DMD: variants seen among roughly 807,000 people sequenced by gnomAD.
DMD encodes the protein mutant dystrophin.
In DMD, 63 loss-of-function variants were observed where a neutral mutation model predicts 330.1. The ratio of observed to expected loss-of-function variants is 0.19; its 90% CI spans 0.16 to 0.24. DMD has a LOEUF of 0.24. Ranked by LOEUF, DMD falls within the 10% of genes least tolerant of loss-of-function variation. The pLI, the probability that DMD is intolerant of heterozygous loss-of-function variation, is 1.00. For synonymous variants in DMD, 1,223 were observed against 959.8 expected, an observed-to-expected ratio of 1.27 and a Z score of -5.07; for missense variants, 3,344 against 2,684.1, an observed-to-expected ratio of 1.25 and a Z score of -5.43.
Position 32,365,138 on chromosome X carries a change from T to A in DMD, c.4907A>T (p.Glu1636Val), listed in dbSNP as rs1187805835. Residue 1636 changes from glutamate to valine, a missense_variant, in exon 35 of 79, where the codon GAG becomes GTG. Coordinates refer to ENST00000357033, the MANE Select transcript of DMD (RefSeq NM_004006.3). ...VHLKSITEVG[E>V]ALKTVLGKKE... is the part of the protein sequence containing the mutation. ...CTTGCCCAAAACTGTTTTCAAGGCC[T>A]CTCCTACCTCTGTGATACTCTTCAG... 8.3e-7 allele frequency: 1 copy of A among 1,210,842 alleles called. No individual in the cohort carries two copies. The highest frequency in any genetic ancestry group is 2.2e-5 in the Admixed American group (1 of 45,890).
At chrX:32,910,476 T>A (rs1212110757) in intron 2 of DMD, among the ~76,000 whole-genome samples, 1 of 111,054 alleles carries the variant, frequency 9.0e-6, no homozygotes, top group Non-Finnish European at 1.9e-5. Flanking sequence ...TCACCCGGGC[T>A]GGAGTGCAAT....
At chrX:32,068,670 A>G (rs2096276826) in intron 44 of DMD, among the ~76,000 whole-genome samples, 1 of 111,170 alleles carries the variant, frequency 9.0e-6, no homozygotes, top group South Asian at 3.7e-4. Flanking sequence ...CTAAAAAAAT[A>G]TAACTTTTAA....
At chrX:31,715,978 T>C (rs1476241948) in intron 52 of DMD, among the ~76,000 whole-genome samples, 1 of 112,135 alleles carries the variant, frequency 8.9e-6, no homozygotes, top group Non-Finnish European at 1.9e-5. Flanking sequence ...TAAGTATTTA[T>C]GGCATTCCCG....
At chrX:31,623,332 C>T (rs1402863624) in intron 55 of DMD, among the ~76,000 whole-genome samples, 2 of 111,344 alleles carry the variant, frequency 1.8e-5, no homozygotes, top group Non-Finnish European at 3.8e-5. Flanking sequence ...GGCGCCATCT[C>T]GGCTCACTGC....
At chrX:32,606,577 A>G (rs1347334287) in intron 12 of DMD, among the ~76,000 whole-genome samples, 1 of 109,683 alleles carries the variant, frequency 9.1e-6, no homozygotes, top group Non-Finnish European at 1.9e-5. Context: ...AAAAACAACA[A>G]AAAGTGTTAC....
chrX:31,547,527 G>C (rs1305941356), intron 55 of DMD, among the ~76,000 whole-genome samples: 3 of 111,865 alleles, frequency 2.7e-5, no homozygotes, highest in Admixed American at 9.5e-5. Flanking sequence ...CATGACCGCA[G>C]AGAAAGGCTC....
At chrX:31,676,285 A>C (rs6631364) in intron 53 of DMD, among the ~76,000 whole-genome samples, 14,482 of 111,790 alleles carry the variant, frequency 0.13, 751 homozygotes, top group Admixed American at 0.22. Flanking sequence ...AGAAAATTTT[A>C]AGTAATAAGC....
At chrX:31,331,962 A>C (rs1318892819) in intron 61 of DMD, among the ~76,000 whole-genome samples, 14 of 112,427 alleles carry the variant, frequency 1.2e-4, no homozygotes, top group Admixed American at 1.1e-3. Flanking sequence ...ACTAGCAATT[A>C]ACGCAAAAAG....
At chrX:31,797,543 A>G (rs2091886183) in intron 50 of DMD, among the ~76,000 whole-genome samples, 1 of 112,301 alleles carries the variant, frequency 8.9e-6, no homozygotes, top group Non-Finnish European at 1.9e-5. Flanking sequence ...AATTTAAAAA[A>G]CAATTATATT....
rs946133697 is a variant in DMD, at chrX:32,364,650, T to A, written c.5086A>T (p.Ile1696Phe). ...TCATCCAAAAGTGTGTCAGCCTGAA[T>A]GATCCACTTTGTGATGTGGTCCACA... ...QNVDHITKWI[I>F]QADTLLDESE... The change falls in exon 36 of 79, where the codon ATT (isoleucine) becomes TTT (phenylalanine). Residue 1696 changes from isoleucine (I) to phenylalanine (F), a missense_variant. Physicochemically the swap from Ile to Phe is conservative, Grantham distance 21 (BLOSUM62 0). Transcript: ENST00000357033. 1 of 1,210,324 alleles carries A rather than the reference T, an allele frequency of 8.3e-7. No individual in the cohort carries two copies. Among genetic ancestry groups the A allele is most frequent in the Admixed American group, 2.2e-5 (1 of 46,009 alleles).
chrX:32,652,196 T>G (rs1049487873), intron 9 of DMD, among the ~76,000 whole-genome samples: 2 of 110,638 alleles, frequency 1.8e-5, no homozygotes, highest in African/African-American at 6.6e-5. Context: ...TCAGGTTTGT[T>G]ACATATGTAT....
intron 60 of DMD, among the ~76,000 whole-genome samples, chrX:31,386,507 T>TGGAG (rs2060453886): frequency 1.8e-5 from 2 of 112,281 alleles, no homozygotes; most frequent in African/African-American, 6.5e-5. Context: ...CTGTATTATG[T>TGGAG]AATCATAGCA....
intron 44 of DMD, among the ~76,000 whole-genome samples, chrX:32,103,297 C>T (rs143236554): frequency 4.7e-3 from 525 of 111,912 alleles, no homozygotes; most frequent in Non-Finnish European, 6.8e-3. Flanking sequence ...CTGCCCCACA[C>T]GCGTTAGCAC....
intron 4 of DMD, among the ~76,000 whole-genome samples, chrX:32,826,742 A>T (rs1344762097): frequency 9.0e-6 from 1 of 111,365 alleles, no homozygotes; most frequent in Non-Finnish European, 1.9e-5. Context: ...ATACTAAATT[A>T]CATTTAATAG....
At chrX:32,834,108 G>A (rs1264033935) in intron 4 of DMD, among the ~76,000 whole-genome samples, 1 of 111,420 alleles carries the variant, frequency 9.0e-6, no homozygotes, top group African/African-American at 3.2e-5. Flanking sequence ...TTTCGCAGAT[G>A]ATAAAGTGAG....
At chrX:33,038,909 G>C (rs761398945) in intron 1 of DMD, among the ~76,000 whole-genome samples, 10 of 111,258 alleles carry the variant, frequency 9.0e-5, no homozygotes, top group Non-Finnish European at 1.7e-4. Context: ...CAGGAGAATC[G>C]CATGAACCCA....
At chrX:32,678,726 AT>A (rs916123087) in intron 9 of DMD, among the ~76,000 whole-genome samples, 1 of 111,767 alleles carries the variant, frequency 8.9e-6, no homozygotes, top group African/African-American at 3.3e-5. Context: ...CCAAAAAAGA[AT>A]CTGTGCTTTT....
intron 1 of DMD, among the ~76,000 whole-genome samples, chrX:33,076,128 C>G (rs756363601): frequency 2.0e-5 from 2 of 97,818 alleles, no homozygotes; most frequent in East Asian, 5.7e-4. Flanking sequence ...CATCCTATGA[C>G]CCCCCACTCA....
chrX:32,177,277 G>A (rs944568113), intron 44 of DMD, among the ~76,000 whole-genome samples: 2 of 111,753 alleles, frequency 1.8e-5, no homozygotes, highest in Admixed American at 1.9e-4. Flanking sequence ...CTCTAATCAT[G>A]ACTCTTTCCT....
Sources: gnomAD v4.1 joint callset for allele counts (sites outside exome capture counted in the v4.1 genomes callset) on GRCh38, gnomAD v4.1.1 for gene constraint, MANE v1.5 for transcripts, NCBI Gene and HGNC (gene_info 2026-07-23, HGNC 2026-07-21) for gene names.